TM9SF4: variants seen among roughly 807,000 people sequenced by gnomAD.
The protein encoded by TM9SF4 is transmembrane 9 superfamily member 4.
A neutral mutation model predicts 90.4 loss-of-function variants in TM9SF4; 26 were observed. The observed-to-expected ratio is 0.29, with a 90% CI of 0.21 to 0.40. The LOEUF (loss-of-function observed/expected upper bound fraction) is 0.40. TM9SF4 is among the 10% of genes least tolerant of loss of function. TM9SF4 has a pLI of 1.00. For synonymous variants in TM9SF4, 293 were observed against 315.4 expected (o/e 0.93, Z 0.75); for missense variants, 549 against 834.8 (o/e 0.66, Z 4.22).
At chr20:32,111,444 T>C (rs2046141755) in intron 1 of TM9SF4, among the ~76,000 whole-genome samples, 1 of 152,210 alleles carries the variant, frequency 6.6e-6, no homozygotes, top group African/African-American at 2.4e-5. Context: ...GTGGTACACA[T>C]CTATTTAGTC....
chr20:32,109,753 A>T lies in TM9SF4; in HGVS notation c.13A>T (p.Met5Leu). 6.4e-7 allele frequency: 1 copy of T among 1,551,626 alleles called. No homozygotes were observed. The highest frequency in any genetic ancestry group is 1.2e-5 in the South Asian group (1 of 84,068). Residue 5 changes from methionine (M) to leucine (L), a missense_variant and splice_region_variant, in exon 1 of 18, where the codon ATG (methionine) becomes TTG (leucine). By Grantham distance (15) the Met-to-Leu change is conservative. This residue lies in a region of TM9SF4 where 495 missense variants were observed against 711.7 expected (regional missense o/e 0.70). Coordinates refer to ENST00000398022, the MANE Select transcript of TM9SF4 (RefSeq NM_014742.4). Reference sequence around the variant, plus strand: ...ACGTGGATCCAAGATGGCGACGGCGATGGTGAGTGAAGGAGACTCCGGGAG... The same window carrying T: ...ACGTGGATCCAAGATGGCGACGGCGTTGGTGAGTGAAGGAGACTCCGGGAG... MATA[M>L]DWLPWSLLLF...
intron 6 of TM9SF4, among the ~76,000 whole-genome samples, chr20:32,143,509 C>T (rs1366383232): frequency 6.6e-6 from 1 of 152,182 alleles, no homozygotes; most frequent in Non-Finnish European, 1.5e-5. Context: ...CTGTAGGCAG[C>T]AGGTTTCTTC....
intron 1 of TM9SF4, among the ~76,000 whole-genome samples, chr20:32,124,540 T>G (rs938152102): frequency 6.6e-6 from 1 of 152,178 alleles, no homozygotes; most frequent in African/African-American, 2.4e-5. Flanking sequence ...GTCTTTCAGT[T>G]TCCCTCTCTG....
intron 6 of TM9SF4, 49 bp from the exon 7 acceptor site, chr20:32,145,042 C>T: frequency 1.3e-6 from 2 of 1,574,494 alleles, no homozygotes; most frequent in Non-Finnish European, 1.7e-6. Context: ...AGCCCCTGGG[C>T]AGTGGCACTG....
intron 1 of TM9SF4, among the ~76,000 whole-genome samples, chr20:32,131,069 A>G (rs1416506900): frequency 6.6e-6 from 1 of 152,074 alleles, no homozygotes; most frequent in Non-Finnish European, 1.5e-5. Flanking sequence ...TCCTATCCAA[A>G]TTGCCCCATG....
rs371352619 is a variant in TM9SF4 at position 32,161,283 on chromosome 20, G to A, written c.1697G>A (p.Arg566His). Reference protein sequence around the residue: ...VYFQLCAEDYRWWWRNFLVSG... With the variant: ...VYFQLCAEDYHWWWRNFLVSG... ...CCTCTGTTTCCTCCTCAGGATTACC[G>A]CTGGTGGTGGAGAAATTTCCTAGTC... The change falls in exon 17 of 18, where the codon CGC becomes CAC. Residue 566 changes from arginine (R) to histidine (H), a missense_variant. Transcript: ENST00000398022. The A allele has an allele frequency of 5.5e-5, 88 of 1,613,738 alleles. No homozygotes were observed. The highest frequency in any genetic ancestry group is 2.0e-4 in the East Asian group (9 of 44,882).
intron 3 of TM9SF4, among the ~76,000 whole-genome samples, chr20:32,138,691 C>T (rs1427801847): frequency 6.6e-6 from 1 of 152,184 alleles, no homozygotes; most frequent in Non-Finnish European, 1.5e-5. Context: ...AGAAATGAGC[C>T]ATTTCCTGAC....
At chr20:32,128,796 G>C (rs1020473106) in intron 1 of TM9SF4, among the ~76,000 whole-genome samples, 2 of 59,660 alleles carry the variant, frequency 3.4e-5, no homozygotes, top group Non-Finnish European at 8.5e-5. Context: ...CATTCTGTGT[G>C]TGTGTGTGTG....
At chr20:32,118,866 C>T (rs971968930) in intron 1 of TM9SF4, among the ~76,000 whole-genome samples, 4 of 151,922 alleles carry the variant, frequency 2.6e-5, no homozygotes, top group African/African-American at 4.8e-5. Flanking sequence ...TGGGCTCAAG[C>T]GATCCACCTG....
At chr20:32,121,564 T>C (rs2046307721) in intron 1 of TM9SF4, among the ~76,000 whole-genome samples, 1 of 151,902 alleles carries the variant, frequency 6.6e-6, no homozygotes, top group Non-Finnish European at 1.5e-5. Flanking sequence ...GAATTTTTCT[T>C]AGTACAGAAC....
intron 5 of TM9SF4, 142 bp from the exon 6 acceptor site, chr20:32,142,840 A>C: frequency 9.1e-7 from 1 of 1,100,722 alleles, no homozygotes; most frequent in Non-Finnish European, 1.3e-6. Context: ...GCCCTTGAAG[A>C]GCTTCTGAGT....
At chr20:32,148,847 T>C (rs2046800905) in intron 9 of TM9SF4, among the ~76,000 whole-genome samples, 1 of 152,036 alleles carries the variant, frequency 6.6e-6, no homozygotes, top group Non-Finnish European at 1.5e-5. Flanking sequence ...ATTTTTTGTA[T>C]TTTTAGTAGA....
At chr20:32,139,393 A>G (rs2046638741) in intron 3 of TM9SF4, among the ~76,000 whole-genome samples, 1 of 151,968 alleles carries the variant, frequency 6.6e-6, no homozygotes, top group African/African-American at 2.4e-5. Context: ...TCTTCCTAAT[A>G]TGCACCATCC....
At position 32,157,871 on chromosome 20, in the gene TM9SF4, C is replaced by T. The variant is rs2046952444; in HGVS notation, c.1407C>T (p.Tyr469=). The T allele has an allele frequency of 1.9e-6, 3 of 1,614,174 alleles. No individual in the cohort carries two copies. Among genetic ancestry groups the T allele is most frequent in the South Asian group, 1.1e-5 (1 of 91,084 alleles). ...ISLPLVYLGY[Y]FGFRKQPYDN... ...TGCCCCTCGTCTACTTGGGCTACTA[C>T]TTCGGCTTCCGAAAGCAGCCATATG... is the stretch of plus-strand genomic sequence containing the variant. Residue 469 remains tyrosine, a synonymous_variant, in exon 14 of 18, where the codon TAC becomes TAT. Coordinates refer to ENST00000398022, the MANE Select transcript of TM9SF4 (RefSeq NM_014742.4).
At chr20:32,157,324 A>G (rs1021606280) in intron 13 of TM9SF4, among the ~76,000 whole-genome samples, 1 of 152,114 alleles carries the variant, frequency 6.6e-6, no homozygotes, top group Non-Finnish European at 1.5e-5. Flanking sequence ...AGGACCGACT[A>G]TGTTGTGTTT....
intron 2 of TM9SF4, among the ~76,000 whole-genome samples, chr20:32,133,448 CTCT>C (rs1158596134): frequency 1.3e-5 from 2 of 152,138 alleles, no homozygotes; most frequent in African/African-American, 4.8e-5. Flanking sequence ...CTCCACCTGC[CTCT>C]TCTTTAGCAT....
At chr20:32,120,774 G>C (rs2046294626) in intron 1 of TM9SF4, among the ~76,000 whole-genome samples, 1 of 147,278 alleles carries the variant, frequency 6.8e-6, no homozygotes, top group African/African-American at 2.5e-5. Context: ...TGTTGGCTGT[G>C]GATTTTTCAT....
chr20:32,126,068 A>AACACACAC (rs71185382), intron 1 of TM9SF4, among the ~76,000 whole-genome samples: 24,586 of 138,476 alleles, frequency 0.18, 2,470 homozygotes, highest in East Asian at 0.42. Flanking sequence ...CTTTCCCGTA[A>AACACACAC]ACACACACAC....
At chr20:32,131,892 G>A (rs2046520725) in intron 1 of TM9SF4, among the ~76,000 whole-genome samples, 2 of 152,288 alleles carry the variant, frequency 1.3e-5, no homozygotes, top group South Asian at 4.1e-4. Context: ...GGCACTGTTC[G>A]TGGTGCTGCT....
Sources: gnomAD v4.1 joint callset for allele counts (sites outside exome capture counted in the v4.1 genomes callset) on GRCh38, gnomAD v4.1.1 for gene constraint, gnomAD v4.1.1 regional missense constraint, MANE v1.5 for transcripts, NCBI Gene and HGNC (gene_info 2026-07-23, HGNC 2026-07-21) for gene names.